The following EIF3D variants were observed in gnomAD, a reference collection of about 807,000 sequenced individuals.
EIF3D encodes eIF3 p66.
Under a neutral mutation model 75.4 loss-of-function variants are expected in EIF3D, and 10 were observed. The observed-to-expected ratio is 0.13, with a 90% CI of 0.08 to 0.22. The LOEUF (loss-of-function observed/expected upper bound fraction) is 0.22, where lower values mean the gene tolerates loss of function less well. Among genes scored for constraint, EIF3D ranks in the 10% least tolerant of loss-of-function variants. The pLI is 1.00. For missense variants in EIF3D, 394 were observed against 708.0 expected (o/e 0.56, Z 5.03); for synonymous variants, 246 against 248.3 (o/e 0.99, Z 0.09).
chr22:36,520,660 C>T lies in EIF3D; in HGVS notation c.494G>A (p.Arg165His), dbSNP rs1028732484. 58 of 1,613,066 alleles carry T rather than the reference C, an allele frequency of 3.6e-5. No individual in the cohort carries two copies. The highest frequency in any genetic ancestry group is 1.1e-4 in the East Asian group (5 of 44,866). The change falls in exon 7 of 15, where the codon CGT becomes CAT. Residue 165 changes from arginine (R) to histidine (H), a missense_variant. By Grantham distance (29) the Arg-to-His change is conservative. Coordinates refer to ENST00000216190, the MANE Select transcript of EIF3D (RefSeq NM_003753.4). ...TTCCTCTTTCACTTCCCAATCACTA[C>T]GAACTTCAACTGAAGAGTCTCGGGG... ...QKPRDSSVEV[R>H]SDWEVKEEMD...
At chr22:36,513,694 C>T (rs1285059623) in intron 12 of EIF3D, among the ~76,000 whole-genome samples, 3 of 152,204 alleles carry the variant, frequency 2.0e-5, no homozygotes, top group Non-Finnish European at 2.9e-5. Flanking sequence ...AAATATCCTG[C>T]AGCACTCCTG....
intron 6 of EIF3D, among the ~76,000 whole-genome samples, chr22:36,521,488 A>G (rs1036095688): frequency 1.2e-4 from 19 of 152,210 alleles, no homozygotes; most frequent in Admixed American, 2.0e-4. Flanking sequence ...GAATGCCCAC[A>G]CAAGCACACG....
intron 12 of EIF3D, 100 bp downstream of exon 12, chr22:36,516,376 AAG>A: frequency 7.0e-7 from 1 of 1,431,722 alleles, no homozygotes; most frequent in Non-Finnish European, 9.5e-7. Flanking sequence ...TAAGTAACGA[AAG>A]GGGATAAGAA....
At chr22:36,512,637 G>T (rs1377077276) in intron 12 of EIF3D, 35 bp from the exon 13 acceptor site, 1 of 1,594,896 alleles carries the variant, frequency 6.3e-7, no homozygotes, top group East Asian at 2.2e-5. Context: ...ACAGAAGCAA[G>T]CTCCAAATGC....
chr22:36,524,820 G>A lies in EIF3D; in HGVS notation c.170-88C>T, dbSNP rs141461810. On this transcript the variant is annotated intron_variant, in intron 3 of 14. Transcript: ENST00000216190. ...TCTAAAGCCTTGCTATTTCAAGTGT[G>A]GTCTTGAGACCTGTAGCATTGGCTG... is the stretch of plus-strand genomic sequence containing the variant. 5 of 1,553,560 alleles carry A rather than the reference G, an allele frequency of 3.2e-6. No homozygotes were observed. In the East Asian group the frequency reaches 1.1e-4, roughly 35 times the overall value.
At chr22:36,524,055 C>G in intron 4 of EIF3D, 75 bp from the exon 5 acceptor site, 1 of 1,447,122 alleles carries the variant, frequency 6.9e-7, no homozygotes, top group African/African-American at 1.4e-5. Context: ...AGTGGGAGGT[C>G]TTTGGAGTAA....
intron 10 of EIF3D, 91 bp from the exon 11 acceptor site, chr22:36,516,881 G>C (rs1445374751): frequency 1.6e-6 from 2 of 1,238,756 alleles, no homozygotes; most frequent in African/African-American, 1.5e-5. Flanking sequence ...CTTAGTTGCA[G>C]CCCTGGCCAG....
Position 36,510,902 on chromosome 22 carries a change from G to C in EIF3D, c.*85C>G, listed in dbSNP as rs1934321848. 2 of 1,454,260 alleles carry C rather than the reference G, an allele frequency of 1.4e-6. No homozygotes were observed. Among genetic ancestry groups the C allele is most frequent in the Non-Finnish European group, 1.9e-6 (2 of 1,080,386 alleles). 90.1% of individuals were successfully genotyped at this position (1,454,260 alleles called of 1,614,324 possible). A position where few individuals can be genotyped will look rare whatever the true frequency, so the allele number is the denominator to read the frequency against. ...TTTATTTCATCTGCTAAATGTCAGA[G>C]AGCAAGTTAGACACACATTCCACTA... On this transcript the variant is annotated 3_prime_UTR_variant, in exon 15 of 15. Transcript: ENST00000216190.
rs758344494 is a variant in EIF3D at position 36,525,754 on chromosome 22, C to A, written c.124-45G>T. ...ACAGAGAATGCACAGGTCAACCAGG[C>A]AAGTTTCTGCAGAACCAGAAATCCC... is the stretch of plus-strand genomic sequence containing the variant. On this transcript the variant is annotated intron_variant, in intron 2 of 14. Transcript: ENST00000216190. 6.3e-6 allele frequency: 10 copies of A among 1,594,840 alleles called. No homozygotes were observed. The Admixed American group carries it at 1.1e-4, about 18-fold the overall frequency.
intron 6 of EIF3D, among the ~76,000 whole-genome samples, chr22:36,522,028 T>C (rs948353800): frequency 6.6e-6 from 1 of 152,032 alleles, no homozygotes; most frequent in South Asian, 2.1e-4. Flanking sequence ...ATGGGTCTAC[T>C]TAATATGCAG....
At chr22:36,528,735 G>C (rs1934649155) in intron 1 of EIF3D, 1 of 152,400 alleles carries the variant, frequency 6.6e-6, no homozygotes, top group African/African-American at 2.4e-5. Flanking sequence ...GTACCCCTAA[G>C]ACCTCACTCA....
At chr22:36,528,374 C>G (rs1258533070) in intron 1 of EIF3D, among the ~76,000 whole-genome samples, 2 of 151,794 alleles carry the variant, frequency 1.3e-5, no homozygotes, top group Non-Finnish European at 2.9e-5. Context: ...CGACCTGCAT[C>G]ACCTCCCTGG....
In EIF3D at chr22:36,517,058, T is replaced by C. The variant is rs559816762; in HGVS notation, c.990+243A>G. ...ATATTCACCATTTGATGTAAATCAA[T>C]TTATTATTTATTGTTCACTGTGTTT... On this transcript the variant is annotated intron_variant, in intron 10 of 14. Transcript: ENST00000216190. 33 of 615,400 alleles carry C rather than the reference T, an allele frequency of 5.4e-5. No homozygotes were observed. The South Asian group carries it at 6.3e-4, about 12-fold the overall frequency. 38.1% of individuals were successfully genotyped at this position (615,400 alleles called of 1,614,324 possible). A position where few individuals can be genotyped will look rare whatever the true frequency, so the allele number is the denominator to read the frequency against.
chr22:36,522,728 G>A (rs993875783), intron 6 of EIF3D, among the ~76,000 whole-genome samples: 3 of 152,134 alleles, frequency 2.0e-5, no homozygotes, highest in African/African-American at 4.8e-5. Context: ...CGGCAGTGTC[G>A]GGAGGTAGGG....
chr22:36,513,245 T>C (rs1383782887), intron 12 of EIF3D, among the ~76,000 whole-genome samples: 2 of 152,188 alleles, frequency 1.3e-5, no homozygotes, highest in Non-Finnish European at 2.9e-5. Context: ...TTCCCAAACT[T>C]TCTTGGTTCA....
At chr22:36,522,490 A>T (rs1302782658) in intron 6 of EIF3D, among the ~76,000 whole-genome samples, 1 of 152,240 alleles carries the variant, frequency 6.6e-6, no homozygotes, top group Non-Finnish European at 1.5e-5. Context: ...ATACTGAAGG[A>T]AAACTGTACC....
At chr22:36,515,894 C>CGG (rs576909294) in intron 12 of EIF3D, among the ~76,000 whole-genome samples, 2 of 7,558 alleles carry the variant, frequency 2.6e-4, no homozygotes, top group African/African-American at 5.1e-4. Context: ...GTGATGTGGG[C>CGG]GGGGGGGCGG....
chr22:36,519,386 G>A lies in EIF3D; in HGVS notation c.711+19C>T. 1.2e-6 allele frequency: 2 copies of A among 1,613,850 alleles called. No individual in the cohort carries two copies. The highest frequency in any genetic ancestry group is 1.7e-6 in the Non-Finnish European group (2 of 1,179,828). Reference sequence around the variant, plus strand: ...CAGCATTCCTAACAAGGGGGAGAGGGGCAGAAGGAGGCGCACACCTTGCGG... The same window carrying A: ...CAGCATTCCTAACAAGGGGGAGAGGAGCAGAAGGAGGCGCACACCTTGCGG... On this transcript the variant is annotated intron_variant, in intron 8 of 14. Coordinates refer to ENST00000216190, the MANE Select transcript of EIF3D (RefSeq NM_003753.4).
intron 10 of EIF3D, among the ~76,000 whole-genome samples, chr22:36,517,084 C>T (rs1683826994): frequency 2.0e-5 from 3 of 152,164 alleles, no homozygotes; most frequent in African/African-American, 7.2e-5. Flanking sequence ...CACTGTGTTT[C>T]CTCCTCCACT....
Sources: allele counts gnomAD v4.1 joint callset (sites outside exome capture counted in the v4.1 genomes callset), GRCh38; gene constraint gnomAD v4.1.1; transcripts MANE v1.5; gene names NCBI Gene and HGNC (gene_info 2026-07-23, HGNC 2026-07-21).